The following SPIRE1 variants were observed in gnomAD, a reference collection of about 807,000 sequenced individuals.
The protein encoded by SPIRE1 is protein spire homolog 1.
SPIRE1 carries 40 observed loss-of-function variants against 94.1 expected under a neutral mutation model. The observed-to-expected ratio is 0.43, with a 90% confidence interval of 0.33 to 0.55. SPIRE1 has a LOEUF of 0.55. SPIRE1 is among the 20% of genes least tolerant of loss of function. The pLI, the probability that SPIRE1 is intolerant of heterozygous loss-of-function variation, is 0.06. For synonymous variants in SPIRE1, 376 were observed against 371.7 expected, an observed-to-expected ratio of 1.01 and a Z score of -0.13; for missense variants, 838 against 975.2, an observed-to-expected ratio of 0.86 and a Z score of 1.87.
At chr18:12,609,949 C>T (rs2037092954) in intron 2 of SPIRE1, among the ~76,000 whole-genome samples, 1 of 152,014 alleles carries the variant, frequency 6.6e-6, no homozygotes, top group African/African-American at 2.4e-5. Context: ...CCTGAATCTC[C>T]TCAGGATCAA....
intron 3 of SPIRE1, among the ~76,000 whole-genome samples, chr18:12,540,171 C>G (rs904110922): frequency 1.3e-5 from 2 of 152,098 alleles, no homozygotes; most frequent in African/African-American, 4.8e-5. Flanking sequence ...TCCTCAAGTC[C>G]TTCGTCATCT....
intron 10 of SPIRE1, among the ~76,000 whole-genome samples, chr18:12,474,098 T>C (rs768600990): frequency 6.6e-6 from 1 of 152,210 alleles, no homozygotes; most frequent in Admixed American, 6.5e-5. Context: ...GAATGAGTCC[T>C]GATAAGTTAA....
intron 1 of SPIRE1, among the ~76,000 whole-genome samples, chr18:12,654,912 C>T (rs2038493298): frequency 6.6e-6 from 1 of 151,836 alleles, no homozygotes. Context: ...CCTATAGTCC[C>T]AGCTGCTCGG....
chr18:12,619,532 TAAAAATAAAAATA>T (rs1456774598), intron 2 of SPIRE1, among the ~76,000 whole-genome samples: 1 of 146,942 alleles, frequency 6.8e-6, no homozygotes, highest in Non-Finnish European at 1.5e-5. Flanking sequence ...AATAAACAAA[TAAAAATAAAAATA>T]AAAAATAAAA....
chr18:12,465,258 C>T (rs1416525627), intron 10 of SPIRE1, among the ~76,000 whole-genome samples: 6 of 152,018 alleles, frequency 3.9e-5, no homozygotes, highest in Non-Finnish European at 5.9e-5. Context: ...CCCACTGCAG[C>T]GTCTACCTTC....
At chr18:12,598,025 T>C (rs1248884556) in intron 2 of SPIRE1, among the ~76,000 whole-genome samples, 2 of 152,116 alleles carry the variant, frequency 1.3e-5, no homozygotes, top group Admixed American at 6.5e-5. Flanking sequence ...TGGATTTTTA[T>C]ACAAGAGACT....
intron 2 of SPIRE1, among the ~76,000 whole-genome samples, chr18:12,583,981 T>C (rs1398136100): frequency 2.0e-5 from 3 of 151,832 alleles, no homozygotes; most frequent in African/African-American, 7.3e-5. Context: ...CAGTAAAACA[T>C]GCTTATTAAA....
chr18:12,631,570 A>G (rs867845112), intron 2 of SPIRE1, among the ~76,000 whole-genome samples: 1 of 150,210 alleles, frequency 6.7e-6, no homozygotes, highest in South Asian at 2.1e-4. Context: ...AAAAAAAAAA[A>G]AAAAACATAA....
At chr18:12,595,480 T>C (rs1311436175) in intron 2 of SPIRE1, among the ~76,000 whole-genome samples, 1 of 152,144 alleles carries the variant, frequency 6.6e-6, no homozygotes, top group Non-Finnish European at 1.5e-5. Flanking sequence ...TTGTTCAGGG[T>C]CAACTGTATA....
chr18:12,600,314 T>C (rs1405015692), intron 2 of SPIRE1, among the ~76,000 whole-genome samples: 1 of 152,186 alleles, frequency 6.6e-6, no homozygotes, highest in African/African-American at 2.4e-5. Flanking sequence ...TGTGAGATCA[T>C]AAATTTGTGG....
chr18:12,471,184 C>T (rs1045182590), intron 10 of SPIRE1, among the ~76,000 whole-genome samples: 1 of 150,934 alleles, frequency 6.6e-6, no homozygotes, highest in Non-Finnish European at 1.5e-5. Context: ...AGTTAGGTTT[C>T]CAGGAACTGA....
intron 7 of SPIRE1, among the ~76,000 whole-genome samples, chr18:12,494,810 G>A (rs2033384274): frequency 7.7e-6 from 1 of 129,468 alleles, no homozygotes; most frequent in Non-Finnish European, 1.5e-5. Context: ...CTGCACTCCA[G>A]CCTGGGCGAC....
At chr18:12,620,182 C>A (rs906425233) in intron 2 of SPIRE1, among the ~76,000 whole-genome samples, 4 of 152,116 alleles carry the variant, frequency 2.6e-5, no homozygotes, top group Non-Finnish European at 4.4e-5. Flanking sequence ...TTGGAGTCAA[C>A]GAAGACCTAA....
rs1000315721 is a variant in SPIRE1 at position 12,454,287 on chromosome 18, T to G, written c.1776+59A>C. The G allele has an allele frequency of 3.1e-6, 5 of 1,594,922 alleles. No homozygotes were observed. In the African/African-American group the frequency reaches 6.7e-5, roughly 21 times the overall value. On this transcript the variant is annotated intron_variant, in intron 13 of 16. Transcript: ENST00000409402. ...CTAGCAGATAACTCTCCCAGGAGAC[T>G]ATGCATGGGACTGGCCATCCTTCTA...
chr18:12,449,999 A>G, intron 16 of SPIRE1, 103 bp from the exon 17 acceptor site: 1 of 1,155,394 alleles, frequency 8.7e-7, no homozygotes. Flanking sequence ...TCAAAACATC[A>G]TGGAATGGAT....
At chr18:12,624,896 T>C (rs556861230) in intron 2 of SPIRE1, among the ~76,000 whole-genome samples, 80 of 152,194 alleles carry the variant, frequency 5.3e-4, no homozygotes, top group African/African-American at 1.5e-3. Flanking sequence ...CTGAAATCCT[T>C]TGCCAGACAT....
rs1162968096 is a variant in SPIRE1 at position 12,546,676 on chromosome 18, T to G, written c.601A>C (p.Lys201Gln). Residue 201 changes from lysine to glutamine, a missense_variant and splice_region_variant, in exon 3 of 17, where the codon AAG becomes CAG. Coordinates refer to ENST00000409402, the MANE Select transcript of SPIRE1 (RefSeq NM_001128626.2). ...SAIRSYRDVMKLCAAHLPTES... is the reference protein window; with the variant it reads ...SAIRSYRDVMQLCAAHLPTES... ...TACTGCATAAAACGCTGCCTTACCT[T>G]CATGACATCTCTATATGACCGAATA... 6.2e-7 allele frequency: 1 copy of G among 1,611,084 alleles called. No homozygotes were observed. Among genetic ancestry groups the G allele is most frequent in the South Asian group, 1.1e-5 (1 of 90,988 alleles).
chr18:12,574,276 A>C (rs939061224), intron 2 of SPIRE1, among the ~76,000 whole-genome samples: 1 of 152,242 alleles, frequency 6.6e-6, no homozygotes, highest in Non-Finnish European at 1.5e-5. Context: ...GGCTTTAAAA[A>C]TACAGTGTTA....
intron 12 of SPIRE1, among the ~76,000 whole-genome samples, chr18:12,461,138 A>C (rs558399117): frequency 6.6e-6 from 1 of 152,304 alleles, no homozygotes; most frequent in East Asian, 1.9e-4. Flanking sequence ...TTTAACAGGA[A>C]ACAGACACAG....
Sources: gnomAD v4.1 joint callset for allele counts (sites outside exome capture counted in the v4.1 genomes callset) on GRCh38, gnomAD v4.1.1 for gene constraint, MANE v1.5 for transcripts, NCBI Gene and HGNC (gene_info 2026-07-23, HGNC 2026-07-21) for gene names.